SLC39A11: variants seen among roughly 807,000 people sequenced by gnomAD.
SLC39A11 encodes the protein solute carrier family 39 member 11, also known as zinc transporter ZIP11.
SLC39A11 carries 33 observed loss-of-function variants against 36.1 expected under a neutral mutation model. The ratio of observed to expected loss-of-function variants is 0.91; its 90% confidence interval spans 0.69 to 1.22. The LOEUF is 1.22. Ranked by LOEUF, SLC39A11 falls within the 50% of genes most tolerant of loss-of-function variation. SLC39A11 has a pLI of 0.00. For synonymous variants in SLC39A11, 166 were observed against 170.3 expected, an observed-to-expected ratio of 0.97 and a Z score of 0.20; for missense variants, 432 against 430.3, an observed-to-expected ratio of 1.00 and a Z score of -0.03.
intron 5 of SLC39A11, among the ~76,000 whole-genome samples, chr17:72,931,432 C>T (rs2084389748): frequency 6.6e-6 from 1 of 152,198 alleles, no homozygotes; most frequent in African/African-American, 2.4e-5. Context: ...ATCTGTTCAC[C>T]TGTGGGACTG....
chr17:72,737,024 C>G (rs919399286), intron 6 of SLC39A11, among the ~76,000 whole-genome samples: 1 of 152,078 alleles, frequency 6.6e-6, no homozygotes, highest in Non-Finnish European at 1.5e-5. Context: ...GCCTGTAATG[C>G]CAGCACTCTG....
chr17:72,976,520 C>T (rs1232585031), intron 4 of SLC39A11, among the ~76,000 whole-genome samples: 2 of 152,194 alleles, frequency 1.3e-5, no homozygotes, highest in African/African-American at 2.4e-5. Flanking sequence ...GAAAATGACA[C>T]CGAGGGGGAA....
chr17:72,696,612 T>TA (rs1247125278), intron 7 of SLC39A11, among the ~76,000 whole-genome samples: 1 of 152,148 alleles, frequency 6.6e-6, no homozygotes, highest in Non-Finnish European at 1.5e-5. Flanking sequence ...AGAGAAGCAT[T>TA]CAGGGCCCCC....
chr17:72,735,976 G>A (rs913543008), intron 7 of SLC39A11, among the ~76,000 whole-genome samples: 4 of 152,316 alleles, frequency 2.6e-5, no homozygotes, highest in South Asian at 2.1e-4. Context: ...TGGGTACAGC[G>A]GTGACAGGGA....
At chr17:72,749,249 T>G (rs1179197262) in intron 6 of SLC39A11, among the ~76,000 whole-genome samples, 1 of 152,172 alleles carries the variant, frequency 6.6e-6, no homozygotes, top group Non-Finnish European at 1.5e-5. Context: ...CCAAACACTC[T>G]GTTCCACCAA....
intron 4 of SLC39A11, among the ~76,000 whole-genome samples, chr17:72,981,076 G>T (rs1475259827): frequency 6.6e-6 from 1 of 151,728 alleles, no homozygotes; most frequent in African/African-American, 2.4e-5. Flanking sequence ...AAATTTTCTG[G>T]TAGGCACAAT....
intron 3 of SLC39A11, among the ~76,000 whole-genome samples, chr17:73,045,051 T>C (rs1310669327): frequency 3.3e-5 from 5 of 152,076 alleles, no homozygotes; most frequent in Non-Finnish European, 7.4e-5. Context: ...CCAATTCTGA[T>C]GAGCCACATT....
chr17:72,975,897 G>A (rs983877329), intron 4 of SLC39A11, among the ~76,000 whole-genome samples: 2 of 152,136 alleles, frequency 1.3e-5, no homozygotes, highest in Non-Finnish European at 2.9e-5. Flanking sequence ...TAGGCCAGGC[G>A]TGGTGGCTCA....
At chr17:72,711,176 T>C (rs1391813098) in intron 7 of SLC39A11, among the ~76,000 whole-genome samples, 6 of 152,190 alleles carry the variant, frequency 3.9e-5, no homozygotes, top group African/African-American at 1.4e-4. Context: ...GCTCTGCTCA[T>C]TATTCCCTTA....
intron 5 of SLC39A11, among the ~76,000 whole-genome samples, chr17:72,925,800 T>A (rs1296639455): frequency 2.0e-5 from 3 of 152,226 alleles, no homozygotes; most frequent in Non-Finnish European, 2.9e-5. Context: ...ACCATGACAT[T>A]GCACATGGCC....
intron 6 of SLC39A11, among the ~76,000 whole-genome samples, chr17:72,740,476 G>T (rs1199071367): frequency 2.0e-5 from 3 of 152,162 alleles, no homozygotes; most frequent in Non-Finnish European, 4.4e-5. Context: ...GAGGAGTTGT[G>T]TGTCTGAAAT....
intron 6 of SLC39A11, among the ~76,000 whole-genome samples, chr17:72,832,178 T>C (rs2078313120): frequency 6.6e-6 from 1 of 152,208 alleles, no homozygotes; most frequent in Non-Finnish European, 1.5e-5. Context: ...GATGTGGTGC[T>C]GTCCCTTAGG....
chr17:72,789,680 C>G (rs190983733), intron 6 of SLC39A11, among the ~76,000 whole-genome samples: 96 of 152,324 alleles, frequency 6.3e-4, no homozygotes, highest in Admixed American at 6.1e-3. Context: ...CCTCTGAAGC[C>G]TCTGAATTAG....
intron 4 of SLC39A11, among the ~76,000 whole-genome samples, chr17:73,018,532 G>C (rs114095971): frequency 6.6e-6 from 1 of 151,660 alleles, no homozygotes; most frequent in Non-Finnish European, 1.5e-5. Flanking sequence ...TGGGAAACAC[G>C]GCAAGACTCC....
intron 5 of SLC39A11, among the ~76,000 whole-genome samples, chr17:72,912,271 G>A (rs994565295): frequency 2.0e-5 from 3 of 151,772 alleles, no homozygotes; most frequent in South Asian, 2.1e-4. Flanking sequence ...GGAACTTCAC[G>A]ATGTCTACAG....
intron 6 of SLC39A11, among the ~76,000 whole-genome samples, chr17:72,800,737 G>A (rs1210349358): frequency 6.6e-6 from 1 of 152,166 alleles, no homozygotes; most frequent in Admixed American, 6.5e-5. Context: ...GAGAGGCAGA[G>A]AGCGATGGCT....
chr17:72,911,530 C>T (rs975774956), intron 5 of SLC39A11, among the ~76,000 whole-genome samples: 14 of 152,126 alleles, frequency 9.2e-5, no homozygotes, highest in East Asian at 3.9e-4. Context: ...CTTACCCTCC[C>T]GACCTCCCTT....
intron 7 of SLC39A11, among the ~76,000 whole-genome samples, chr17:72,719,657 G>A (rs1004067669): frequency 1.3e-5 from 2 of 152,180 alleles, no homozygotes; most frequent in Admixed American, 6.5e-5. Flanking sequence ...TCCAGTGCCC[G>A]GGAAAGCCGC....
At chr17:72,717,238 A>C (rs1220515994) in intron 7 of SLC39A11, among the ~76,000 whole-genome samples, 3 of 151,914 alleles carry the variant, frequency 2.0e-5, no homozygotes, top group Non-Finnish European at 4.4e-5. Context: ...TCCAACTGTG[A>C]GAGGAAGTGG....
Sources: allele counts gnomAD v4.1 joint callset (sites outside exome capture counted in the v4.1 genomes callset), GRCh38; gene constraint gnomAD v4.1.1; transcripts MANE v1.5; gene names NCBI Gene and HGNC (gene_info 2026-07-23, HGNC 2026-07-21).